Variants in TRIM10 observed in about 807,000 individuals in gnomAD.
TRIM10 encodes tripartite motif containing 10, also known as tripartite motif-containing protein 10.
Under a neutral mutation model 40.0 loss-of-function variants are expected in TRIM10, and 42 were observed. The ratio of observed to expected loss-of-function variants is 1.05; its 90% CI spans 0.82 to 1.36. The LOEUF (loss-of-function observed/expected upper bound fraction) is 1.36. Among genes scored for constraint, TRIM10 ranks in the 40% most tolerant of loss-of-function variants. TRIM10 has a pLI of 0.00. For missense variants in TRIM10, 601 were observed against 608.3 expected (o/e 0.99, Z 0.13); for synonymous variants, 260 against 239.5 (o/e 1.09, Z -0.79).
At chr6:30,161,867 G>C (rs1395074061), upstream of TRIM10, among the ~76,000 whole-genome samples, 1 of 152,174 alleles carries the variant, frequency 6.6e-6, no homozygotes, top group Non-Finnish European at 1.5e-5. Context: ...TAATTTTAAT[G>C]ATGTTATTTT....
intron 6 of TRIM10, chr6:30,154,719 G>A (rs752693622): frequency 1.4e-6 from 1 of 708,188 alleles, no homozygotes; most frequent in Admixed American, 2.0e-5. Flanking sequence ...AGCCTGAAAA[G>A]CCTGCCTCAG....
At position 30,159,191 on chromosome 6, in the gene TRIM10, C is replaced by A. The variant is rs1421507832; in HGVS notation, c.484G>T (p.Glu162Ter). ...CLRKEREEIQ[E>*]IQSRENKRMQ... is the part of the protein sequence containing the mutation. Reference sequence around the variant, plus strand: ...CTTTTATTTTCTCTTGACTGGATTTCTTGAATCTCCTCTCTCTCTTTTCTT... The same window carrying A: ...CTTTTATTTTCTCTTGACTGGATTTATTGAATCTCCTCTCTCTCTTTTCTT... Residue 162 changes from glutamate (E) to a stop codon, truncating the protein, a stop_gained, in exon 2 of 7, where the codon GAA (glutamate) becomes TAA (stop). Transcript: ENST00000449742. LOFTEE classifies it high-confidence loss of function. 1 of 1,612,278 alleles carries A rather than the reference C, an allele frequency of 6.2e-7. No individual in the cohort carries two copies. The highest frequency in any genetic ancestry group is 1.1e-5 in the South Asian group (1 of 91,062).
chr6:30,157,364 C>T lies in TRIM10; in HGVS notation c.779+5G>A. The T allele has an allele frequency of 6.3e-7, 1 of 1,599,702 alleles. No homozygotes were observed. The highest frequency in any genetic ancestry group is 8.5e-7 in the Non-Finnish European group (1 of 1,175,176). ...AAAAGAAAAGAGAGAAACTATATTGCTTACCTTATTAGAGTGCTTCTGATG... is the reference window on the plus strand; with the variant it reads ...AAAAGAAAAGAGAGAAACTATATTGTTTACCTTATTAGAGTGCTTCTGATG... On this transcript the variant is annotated splice_donor_5th_base_variant and intron_variant, in intron 4 of 6. Coordinates refer to ENST00000449742, the MANE Select transcript of TRIM10 (RefSeq NM_006778.4).
chr6:30,155,532 A>AC (rs1554187866), intron 6 of TRIM10, among the ~76,000 whole-genome samples, 195 bp downstream of exon 6: 92 of 152,222 alleles, frequency 6.0e-4, no homozygotes, highest in African/African-American at 2.0e-3. Context: ...ACACACACAC[A>AC]ACCTATATAT....
chr6:30,157,228 G>A lies in TRIM10; in HGVS notation c.779+141C>T, dbSNP rs184444960. The stretch of plus-strand genomic sequence containing the variant: ...GGCATCTATGGATATACCTGAGAAG[G>A]CATTTGGGTATATAGAGGTTTATAT... On this transcript the variant is annotated intron_variant, in intron 4 of 6. Transcript: ENST00000449742. 15 of 1,093,480 alleles carry A rather than the reference G, an allele frequency of 1.4e-5. No individual in the cohort carries two copies. The East Asian group carries it at 1.9e-4, about 14-fold the overall frequency. The allele number at this position is 1,093,480 out of a possible 1,614,324, so 67.7% of individuals were successfully genotyped here. A position where few individuals can be genotyped will look rare whatever the true frequency, so the allele number is the denominator to read the frequency against.
chr6:30,163,901 G>A (rs1773375839), upstream of TRIM10: 3 of 1,612,962 alleles, frequency 1.9e-6, no homozygotes, highest in African/African-American at 2.7e-5. Flanking sequence ...CATGGCCCCT[G>A]TGCCCCTGGG....
chr6:30,157,423 C>T (rs373093645), intron 3 of TRIM10, 32 bp from the exon 4 acceptor site: 314 of 1,576,900 alleles, frequency 2.0e-4, no homozygotes, highest in Non-Finnish European at 2.6e-4. Flanking sequence ...AATTCAGTTT[C>T]CAGCTTCTCC....
At chr6:30,162,666 T>A (rs1254301985), upstream of TRIM10, among the ~76,000 whole-genome samples, 1 of 152,214 alleles carries the variant, frequency 6.6e-6, no homozygotes, top group East Asian at 1.9e-4. Flanking sequence ...GCCAGGAGAC[T>A]GGGATCGTCC....
chr6:30,162,959 TAA>T (rs1773247234), upstream of TRIM10, among the ~76,000 whole-genome samples: 1 of 150,882 alleles, frequency 6.6e-6, no homozygotes, highest in South Asian at 2.1e-4. Context: ...AATAAATAAA[TAA>T]ATAAATAAAT....
rs1261952595 is a variant in TRIM10 at position 30,160,874 on chromosome 6, A to G, written c.-16T>C. On this transcript the variant is annotated 5_prime_UTR_variant, in exon 1 of 7. Transcript: ENST00000449742. ...CAGAGGCCATGCTGGTCCTGCTGCT[A>G]TGGCTTCCTCAAGGCCACTCTCTCT... The G allele has an allele frequency of 4.4e-6, 7 of 1,590,254 alleles. No homozygotes were observed. The highest frequency in any genetic ancestry group is 1.3e-5 in the African/African-American group (1 of 74,726).
At position 30,154,147 on chromosome 6, in the gene TRIM10, G is replaced by A. The variant is rs761773766; in HGVS notation, c.1268C>T (p.Thr423Ile). ...SALGSFPTRL[T>I]LKEQPRQVRV... ...CACCTGCCGGGGCTGCTCCTTCAGG[G>A]TCAGCCGTGTGGGGAAGGAGCCCAG... Residue 423 changes from threonine to isoleucine, a missense_variant, in exon 7 of 7, where the codon ACC (threonine) becomes ATC (isoleucine). Physicochemically the swap from Thr to Ile is moderately conservative, Grantham distance 89. Coordinates refer to ENST00000449742, the MANE Select transcript of TRIM10 (RefSeq NM_006778.4). 2.5e-6 allele frequency: 4 copies of A among 1,612,876 alleles called. No homozygotes were observed. The highest frequency in any genetic ancestry group is 3.3e-5 in the Admixed American group (2 of 60,024).
intron 4 of TRIM10, 112 bp from the exon 5 acceptor site, chr6:30,157,166 G>T: frequency 8.3e-7 from 1 of 1,205,004 alleles, no homozygotes; most frequent in South Asian, 1.4e-5. Context: ...GCAGGCAGAC[G>T]TACTTCCTCT....
intron 6 of TRIM10, 22 bp downstream of exon 6, chr6:30,155,705 C>G (rs1396085408): frequency 6.2e-7 from 1 of 1,612,856 alleles, no homozygotes; most frequent in South Asian, 1.1e-5. Context: ...CATTCTCTCC[C>G]ATCCTGACAT....
chr6:30,158,297 G>C (rs544339211), intron 3 of TRIM10, 102 bp downstream of exon 3: 17 of 985,760 alleles, frequency 1.7e-5, no homozygotes, highest in Non-Finnish European at 2.4e-5. Context: ...TCCCATCTGG[G>C]ATACAGAGAT....
In TRIM10 at chr6:30,153,801, A is replaced by G; in HGVS notation, c.*168T>C. 1 of 1,613,038 alleles carries G rather than the reference A, an allele frequency of 6.2e-7. No individual in the cohort carries two copies. Among genetic ancestry groups the G allele is most frequent in the South Asian group, 1.1e-5 (1 of 91,078 alleles). On this transcript the variant is annotated 3_prime_UTR_variant, in exon 7 of 7. Coordinates refer to ENST00000449742, the MANE Select transcript of TRIM10 (RefSeq NM_006778.4). ...GCATTGGGGAAAGGACTTGATCAGTAGATTGAGAGTCCTCTCTTCTATCCC... is the reference window on the plus strand; with the variant it reads ...GCATTGGGGAAAGGACTTGATCAGTGGATTGAGAGTCCTCTCTTCTATCCC...
At chr6:30,162,372 C>A (rs1019525476), upstream of TRIM10, among the ~76,000 whole-genome samples, 1 of 151,422 alleles carries the variant, frequency 6.6e-6, no homozygotes, top group Non-Finnish European at 1.5e-5. Flanking sequence ...CCATTCAGAC[C>A]GGCCACATTT....
chr6:30,155,599 T>C, intron 6 of TRIM10, 128 bp downstream of exon 6: 1 of 719,372 alleles, frequency 1.4e-6, no homozygotes, highest in Non-Finnish European at 2.4e-6. Context: ...ATGATGTGTA[T>C]ATGTATCCAT....
rs1159247662 is a variant in TRIM10, at chr6:30,160,610, C to T, written c.249G>A (p.Glu83=). 1.9e-5 allele frequency: 30 copies of T among 1,614,118 alleles called. No individual in the cohort carries two copies. Among genetic ancestry groups the T allele is most frequent in the Non-Finnish European group, 2.5e-5 (30 of 1,180,052 alleles). The change falls in exon 1 of 7, where the codon GAG becomes GAA. Residue 83 remains glutamate, a synonymous_variant. Coordinates refer to ENST00000449742, the MANE Select transcript of TRIM10 (RefSeq NM_006778.4). The stretch of plus-strand genomic sequence containing the variant: ...CCAGTGTGGACACCAGCTGGAGGCG[C>T]TCAATGTTCTCCACCACGTTAGCCA... ...WQLANVVENI[E]RLQLVSTLGL...
Position 30,160,702 on chromosome 6 carries a change from C to T in TRIM10, c.157G>A (p.Glu53Lys), listed in dbSNP as rs145478650. The change falls in exon 1 of 7, where the codon GAG (glutamate) becomes AAG (lysine). Residue 53 changes from glutamate to lysine, a missense_variant. Transcript: ENST00000449742. ...TTGCAGAGTGGGCAAGTAGGGGACT[C>T]CTCCAGGTCTGGGCCTGGTATCTCA... Reference protein sequence around the residue: ...YCEIPGPDLEESPTCPLCKEP... With the variant: ...YCEIPGPDLEKSPTCPLCKEP... The T allele has an allele frequency of 1.2e-5, 19 of 1,614,120 alleles. No individual in the cohort carries two copies. The highest frequency in any genetic ancestry group is 1.6e-5 in the Non-Finnish European group (19 of 1,180,050).
Sources: allele counts gnomAD v4.1 joint callset (sites outside exome capture counted in the v4.1 genomes callset), GRCh38; gene constraint gnomAD v4.1.1; transcripts MANE v1.5; gene names NCBI Gene and HGNC (gene_info 2026-07-23, HGNC 2026-07-21).